The following TMEM117 variants were observed in gnomAD, a reference collection of about 807,000 sequenced individuals.
The protein encoded by TMEM117 is transmembrane protein 117.
A neutral mutation model predicts 52.4 loss-of-function variants in TMEM117; 27 were observed. The observed-to-expected ratio is 0.51, with a 90% CI of 0.38 to 0.71. The LOEUF (loss-of-function observed/expected upper bound fraction) is 0.71. Ranked by LOEUF, TMEM117 falls within the 30% of genes least tolerant of loss-of-function variation. The pLI, the probability that TMEM117 is intolerant of heterozygous loss-of-function variation, is 0.00. For missense variants in TMEM117, 556 were observed against 630.5 expected, an observed-to-expected ratio of 0.88 and a Z score of 1.26; for synonymous variants, 215 against 206.3, an observed-to-expected ratio of 1.04 and a Z score of -0.36.
At chr12:44,150,068 G>C (rs1007198842) in intron 4 of TMEM117, among the ~76,000 whole-genome samples, 1 of 152,062 alleles carries the variant, frequency 6.6e-6, no homozygotes, top group Non-Finnish European at 1.5e-5. Context: ...CCTGTTCATT[G>C]GAACCATTTT....
intron 3 of TMEM117, among the ~76,000 whole-genome samples, chr12:44,003,773 C>A (rs1227704659): frequency 3.3e-5 from 5 of 152,180 alleles, no homozygotes; most frequent in African/African-American, 1.2e-4. Flanking sequence ...CATCTTTCTC[C>A]TTTATCTCAT....
chr12:44,089,095 A>G (rs974816482), intron 3 of TMEM117, among the ~76,000 whole-genome samples: 1 of 152,188 alleles, frequency 6.6e-6, no homozygotes, highest in Non-Finnish European at 1.5e-5. Context: ...AGTATTAAGC[A>G]TGAAGACAAT....
chr12:44,217,830 A>T (rs1057248520), intron 5 of TMEM117, among the ~76,000 whole-genome samples: 3 of 152,210 alleles, frequency 2.0e-5, no homozygotes, highest in African/African-American at 7.2e-5. Context: ...ATATTTGTTC[A>T]TATTGATATC....
At chr12:43,838,143 G>A (rs1161401474) in intron 1 of TMEM117, among the ~76,000 whole-genome samples, 1 of 151,370 alleles carries the variant, frequency 6.6e-6, no homozygotes, top group Non-Finnish European at 1.5e-5. Flanking sequence ...TTTTTAACCT[G>A]TATTAGGCAC....
chr12:44,212,185 A>C (rs1949654852), intron 5 of TMEM117, among the ~76,000 whole-genome samples: 1 of 152,200 alleles, frequency 6.6e-6, no homozygotes, highest in Non-Finnish European at 1.5e-5. Context: ...TCCAGAAATA[A>C]ACCATACATA....
intron 2 of TMEM117, among the ~76,000 whole-genome samples, chr12:43,890,765 C>T (rs904147281): frequency 2.0e-5 from 3 of 151,986 alleles, no homozygotes; most frequent in African/African-American, 7.2e-5. Flanking sequence ...CTCCTGACCT[C>T]GTGATCCACC....
intron 3 of TMEM117, among the ~76,000 whole-genome samples, chr12:43,970,251 CCT>C (rs532560145): frequency 3.1e-4 from 47 of 151,748 alleles, no homozygotes; most frequent in African/African-American, 1.0e-3. Context: ...ATGATGGTGG[CCT>C]GTTGTTATAA....
chr12:43,803,417 G>T, the TMEM117 span, among the ~76,000 whole-genome samples: 3 of 152,238 alleles, frequency 2.0e-5, no homozygotes, highest in East Asian at 5.8e-4. Flanking sequence ...TAAAATGCTT[G>T]AAGTAAATAA....
chr12:44,111,638 A>G (rs1948056912), intron 3 of TMEM117, among the ~76,000 whole-genome samples: 2 of 121,626 alleles, frequency 1.6e-5, no homozygotes, highest in South Asian at 5.8e-4. Context: ...TATGTGGTCA[A>G]TTTTGGAATA....
intron 3 of TMEM117, among the ~76,000 whole-genome samples, chr12:44,119,965 G>T (rs1948206784): frequency 6.6e-6 from 1 of 152,092 alleles, no homozygotes; most frequent in Non-Finnish European, 1.5e-5. Flanking sequence ...TCTTGGAGAA[G>T]TGGCAAAGAA....
intron 5 of TMEM117, among the ~76,000 whole-genome samples, chr12:44,261,549 G>A (rs1311501932): frequency 1.3e-5 from 2 of 152,090 alleles, no homozygotes; most frequent in East Asian, 3.8e-4. Context: ...AAAACTTGAT[G>A]CTACAGATTC....
intron 1 of TMEM117, among the ~76,000 whole-genome samples, chr12:43,837,631 C>T: frequency 6.6e-6 from 1 of 152,208 alleles, no homozygotes; most frequent in East Asian, 1.9e-4. Flanking sequence ...AGGTGTGAGC[C>T]ACTGCTCCGG....
intron 4 of TMEM117, among the ~76,000 whole-genome samples, chr12:44,150,064 C>T (rs1043226024): frequency 1.4e-4 from 22 of 152,180 alleles, no homozygotes; most frequent in African/African-American, 5.1e-4. Flanking sequence ...TCTGCCTGTT[C>T]ATTGGAACCA....
intron 3 of TMEM117, among the ~76,000 whole-genome samples, chr12:44,077,099 A>C (rs1947394593): frequency 6.6e-6 from 1 of 152,322 alleles, no homozygotes; most frequent in South Asian, 2.1e-4. Context: ...CTGGGGAGTT[A>C]ACAAATAGAA....
At chr12:44,100,219 T>G (rs1174314853) in intron 3 of TMEM117, among the ~76,000 whole-genome samples, 2 of 151,982 alleles carry the variant, frequency 1.3e-5, no homozygotes, top group Non-Finnish European at 2.9e-5. Context: ...CCCATAAACG[T>G]GCCAGATGGG....
At chr12:44,017,067 A>C (rs1400515985) in intron 3 of TMEM117, among the ~76,000 whole-genome samples, 1 of 152,084 alleles carries the variant, frequency 6.6e-6, no homozygotes, top group African/African-American at 2.4e-5. Flanking sequence ...TGTCACTATC[A>C]CCAAGGAGAT....
At chr12:44,247,357 C>A (rs189811974) in intron 5 of TMEM117, among the ~76,000 whole-genome samples, 1 of 152,112 alleles carries the variant, frequency 6.6e-6, no homozygotes, top group Non-Finnish European at 1.5e-5. Flanking sequence ...CAGGATGAGA[C>A]GGCAACATTT....
chr12:44,010,815 C>T (rs1305541864), intron 3 of TMEM117, among the ~76,000 whole-genome samples: 1 of 152,162 alleles, frequency 6.6e-6, no homozygotes, highest in Non-Finnish European at 1.5e-5. Flanking sequence ...TGTATAATTG[C>T]TATCATTCAT....
intron 7 of TMEM117, 66 bp downstream of exon 7, chr12:44,376,790 G>C: frequency 6.7e-7 from 1 of 1,485,286 alleles, no homozygotes; most frequent in Non-Finnish European, 9.0e-7. Context: ...GCTAGTTGCT[G>C]TAAAAAGCAA....
Sources: gnomAD v4.1 joint callset for allele counts (sites outside exome capture counted in the v4.1 genomes callset) on GRCh38, gnomAD v4.1.1 for gene constraint, MANE v1.5 for transcripts, NCBI Gene and HGNC (gene_info 2026-07-23, HGNC 2026-07-21) for gene names.